Variants in TMEM177 observed in about 807,000 individuals in gnomAD.
TMEM177 encodes the protein transmembrane protein 177.
A neutral mutation model predicts 14.2 loss-of-function variants in TMEM177; 4 were observed. That is an observed-to-expected ratio of 0.28 (90% confidence interval 0.14 to 0.64). The LOEUF is 0.64. Among genes scored for constraint, TMEM177 ranks in the 30% least tolerant of loss-of-function variants. The pLI, the probability that TMEM177 is intolerant of heterozygous loss-of-function variation, is 0.82. For missense variants in TMEM177, 344 were observed against 405.2 expected, an observed-to-expected ratio of 0.85 and a Z score of 1.30; for synonymous variants, 179 against 174.5, an observed-to-expected ratio of 1.03 and a Z score of -0.20.
downstream of TMEM177, among the ~76,000 whole-genome samples, chr2:119,685,005 T>C (rs1688986891): frequency 6.6e-6 from 1 of 152,192 alleles, no homozygotes; most frequent in African/African-American, 2.4e-5. Context: ...ATGCCTGCTG[T>C]GTGCTGGAAT....
the TMEM177 span, among the ~76,000 whole-genome samples, chr2:119,701,001 A>G: frequency 1.3e-4 from 20 of 152,206 alleles, no homozygotes; most frequent in Admixed American, 9.8e-4. Flanking sequence ...GATTCGCCAC[A>G]GGTCTGACTG....
At chr2:119,683,949 C>A (rs1356103805), downstream of TMEM177, among the ~76,000 whole-genome samples, 1 of 151,358 alleles carries the variant, frequency 6.6e-6, no homozygotes, top group Non-Finnish European at 1.5e-5. Context: ...AGCACCCAGC[C>A]TTGGTGCTTT....
At chr2:119,679,453 C>G (rs1385526798) in intron 1 of TMEM177, 177 bp downstream of exon 1, 1 of 152,016 alleles carries the variant, frequency 6.6e-6, no homozygotes, top group African/African-American at 2.4e-5. Flanking sequence ...TGGTCCAGAC[C>G]TTTCCTTTCT....
chr2:119,683,291 T>C (rs1181827728), downstream of TMEM177, among the ~76,000 whole-genome samples: 1 of 152,172 alleles, frequency 6.6e-6, no homozygotes, highest in Non-Finnish European at 1.5e-5. Context: ...CCCCAGGCCC[T>C]GGTACCTAGG....
At chr2:119,682,816 C>G (rs76207538), downstream of TMEM177, among the ~76,000 whole-genome samples, 5,614 of 152,090 alleles carry the variant, frequency 0.037, 217 homozygotes, top group African/African-American at 0.1. Context: ...AAGCTTGGCT[C>G]GTAGGGGTCA....
chr2:119,719,359 A>G, the TMEM177 span, among the ~76,000 whole-genome samples: 6 of 152,112 alleles, frequency 3.9e-5, no homozygotes, highest in Non-Finnish European at 5.9e-5. Context: ...CTTTGGGGTA[A>G]AGTCTTGAAC....
the TMEM177 span, among the ~76,000 whole-genome samples, chr2:119,714,961 T>C: frequency 3.9e-5 from 6 of 152,186 alleles, no homozygotes; most frequent in Non-Finnish European, 8.8e-5. Flanking sequence ...ACAGGAAGTG[T>C]ATGCCACCTT....
At chr2:119,717,605 CTTTT>C in the TMEM177 span, among the ~76,000 whole-genome samples, 1 of 88,442 alleles carries the variant, frequency 1.1e-5, no homozygotes, top group Non-Finnish European at 2.1e-5. Flanking sequence ...TGACTTGAGT[CTTTT>C]TTTTTTTTTT....
the TMEM177 span, among the ~76,000 whole-genome samples, chr2:119,693,625 T>C: frequency 6.6e-6 from 1 of 152,114 alleles, no homozygotes; most frequent in Non-Finnish European, 1.5e-5. Flanking sequence ...ATTCACTACT[T>C]TTAGGGAAGC....
the TMEM177 span, among the ~76,000 whole-genome samples, chr2:119,696,760 G>A: frequency 1.6e-4 from 24 of 152,190 alleles, no homozygotes; most frequent in African/African-American, 5.5e-4. Flanking sequence ...GCAGAGGGGA[G>A]ACAAGGGCAG....
downstream of TMEM177, among the ~76,000 whole-genome samples, chr2:119,688,639 G>A (rs1206217935): frequency 2.0e-5 from 3 of 152,008 alleles, no homozygotes; most frequent in South Asian, 2.1e-4. Flanking sequence ...GTGGTTCCTC[G>A]CCGACTGAAT....
the TMEM177 span, among the ~76,000 whole-genome samples, chr2:119,692,395 T>G: frequency 6.6e-6 from 1 of 152,214 alleles, no homozygotes; most frequent in Admixed American, 6.5e-5. Context: ...ATCCAGCCAG[T>G]GTGAAGGCCT....
At chr2:119,690,213 G>A (rs116785821), downstream of TMEM177, among the ~76,000 whole-genome samples, 651 of 152,210 alleles carry the variant, frequency 4.3e-3, 4 homozygotes, top group African/African-American at 0.015. Flanking sequence ...GAGTTCTCAC[G>A]AAATCTGGTT....
the TMEM177 span, among the ~76,000 whole-genome samples, chr2:119,722,465 T>C: frequency 1.3e-5 from 2 of 152,006 alleles, no homozygotes; most frequent in African/African-American, 2.4e-5. Context: ...ACCAACAGTC[T>C]AGCACCATAT....
the TMEM177 span, among the ~76,000 whole-genome samples, chr2:119,710,672 C>T: frequency 3.3e-5 from 5 of 151,710 alleles, no homozygotes; most frequent in African/African-American, 7.3e-5. Flanking sequence ...TGCAGTGGCA[C>T]GATCTCGGCT....
chr2:119,696,295 T>C, the TMEM177 span, among the ~76,000 whole-genome samples: 1 of 151,972 alleles, frequency 6.6e-6, no homozygotes, highest in South Asian at 2.1e-4. Flanking sequence ...AGGTCATTAT[T>C]GAGGGTACTG....
chr2:119,683,480 G>T (rs370156071), downstream of TMEM177, among the ~76,000 whole-genome samples: 1 of 152,140 alleles, frequency 6.6e-6, no homozygotes, highest in African/African-American at 2.4e-5. Context: ...TGAGCAGTAC[G>T]GTCTGGGGCC....
At chr2:119,685,631 G>T (rs1014628721), downstream of TMEM177, 7 of 716,934 alleles carry the variant, frequency 9.8e-6, no homozygotes, top group Non-Finnish European at 1.6e-5. Flanking sequence ...GCATGTGGTT[G>T]GTAATATTAT....
At chr2:119,704,640 A>G in the TMEM177 span, among the ~76,000 whole-genome samples, 3 of 152,296 alleles carry the variant, frequency 2.0e-5, no homozygotes, top group South Asian at 6.2e-4. Context: ...GGAGGAAGGT[A>G]GCTTGATAAA....
Sources: allele counts gnomAD v4.1 joint callset (sites outside exome capture counted in the v4.1 genomes callset), GRCh38; gene constraint gnomAD v4.1.1; transcripts MANE v1.5; gene names NCBI Gene and HGNC (gene_info 2026-07-23, HGNC 2026-07-21).